CPEB1: variants seen among roughly 807,000 people sequenced by gnomAD.
CPEB1 encodes the protein cytoplasmic polyadenylation element-binding protein 1.
Under a neutral mutation model 65.8 loss-of-function variants are expected in CPEB1, and 7 were observed. The observed-to-expected ratio is 0.11, with a 90% CI of 0.06 to 0.20. The LOEUF (loss-of-function observed/expected upper bound fraction) is 0.20. Among genes scored for constraint, CPEB1 ranks in the 10% least tolerant of loss-of-function variants. The pLI is 1.00. For missense variants in CPEB1, 551 were observed against 712.2 expected, an observed-to-expected ratio of 0.77 and a Z score of 2.58; for synonymous variants, 262 against 260.0, an observed-to-expected ratio of 1.01 and a Z score of -0.08.
At chr15:82,622,013 T>C (rs994277005) in intron 3 of CPEB1, among the ~76,000 whole-genome samples, 1 of 152,252 alleles carries the variant, frequency 6.6e-6, no homozygotes, top group Non-Finnish European at 1.5e-5. Flanking sequence ...CCCTTAATGA[T>C]GTTTCACCAC....
At chr15:82,634,071 A>G in intron 1 of CPEB1, among the ~76,000 whole-genome samples, 1 of 152,160 alleles carries the variant, frequency 6.6e-6, no homozygotes, top group East Asian at 1.9e-4. Context: ...GCAGATGTCC[A>G]ATTACACACC....
At chr15:82,633,719 T>C (rs2046438134) in intron 1 of CPEB1, among the ~76,000 whole-genome samples, 2 of 152,164 alleles carry the variant, frequency 1.3e-5, no homozygotes, top group Admixed American at 6.5e-5. Context: ...TCCTCTCCAA[T>C]AGATAAGAGC....
At chr15:82,606,038 CA>C (rs1434804416) in intron 3 of CPEB1, among the ~76,000 whole-genome samples, 1 of 148,428 alleles carries the variant, frequency 6.7e-6, no homozygotes, top group Admixed American at 6.7e-5. Context: ...AACTCCACCT[CA>C]AAAAAAAAGA....
chr15:82,628,558 T>A lies in CPEB1; in HGVS notation c.-97-2A>T. On this transcript the variant is annotated splice_acceptor_variant, in intron 1 of 12. Coordinates refer to ENST00000684509, the MANE Select transcript of CPEB1 (RefSeq NM_001365242.1). LOFTEE classifies it low-confidence loss of function (5UTR_SPLICE). The stretch of plus-strand genomic sequence containing the variant: ...CCTTCTATTACACAGGCACTGAAAC[T>A]AACGCAAATGGTGGAATTAGGATTG... The A allele has an allele frequency of 1.6e-6, 1 of 641,228 alleles. No individual in the cohort carries two copies. Among genetic ancestry groups the A allele is most frequent in the Admixed American group, 2.6e-5 (1 of 38,542 alleles). The allele number at this position is 641,228 out of a possible 1,614,324, so 39.7% of individuals were successfully genotyped here.
At chr15:82,630,806 T>C (rs1192199073) in intron 1 of CPEB1, among the ~76,000 whole-genome samples, 1 of 152,118 alleles carries the variant, frequency 6.6e-6, no homozygotes, top group East Asian at 1.9e-4. Context: ...TCCAGTGTGG[T>C]ACAGCATTAG....
chr15:82,575,490 ACTT>A (rs2040548729), intron 3 of CPEB1, among the ~76,000 whole-genome samples: 6 of 152,170 alleles, frequency 3.9e-5, no homozygotes, highest in Admixed American at 3.9e-4. Flanking sequence ...ACAACGAAAA[ACTT>A]CTGCTCATCA....
At chr15:82,586,990 T>C (rs552379154) in intron 3 of CPEB1, among the ~76,000 whole-genome samples, 14 of 152,312 alleles carry the variant, frequency 9.2e-5, no homozygotes, top group African/African-American at 3.4e-4. Context: ...CAATTGTCTT[T>C]AAGACAGTTT....
At chr15:82,571,603 A>G in intron 3 of CPEB1, 71 bp from the exon 4 acceptor site, 1 of 1,529,956 alleles carries the variant, frequency 6.5e-7, no homozygotes, top group South Asian at 1.3e-5. Context: ...TCAACAGTAA[A>G]TATTATTAAT....
At chr15:82,648,190 C>T (rs2047738991), upstream of CPEB1, 7 of 310,182 alleles carry the variant, frequency 2.3e-5, no homozygotes, top group East Asian at 3.5e-4. Context: ...CCCTGGGGGG[C>T]CAGAGACCTA....
chr15:82,646,614 C>T (rs2047558481), intron 1 of CPEB1, among the ~76,000 whole-genome samples: 1 of 152,178 alleles, frequency 6.6e-6, no homozygotes, highest in Admixed American at 6.5e-5. Flanking sequence ...AAAATAAGCG[C>T]GCGCCCACGA....
At chr15:82,557,462 G>A (rs1294997500) in intron 5 of CPEB1, 7 of 362,644 alleles carry the variant, frequency 1.9e-5, no homozygotes, top group Non-Finnish European at 3.5e-5. Context: ...CACTGCCAGG[G>A]CCCTCACGTT....
At chr15:82,596,075 G>A (rs2042643201) in intron 3 of CPEB1, among the ~76,000 whole-genome samples, 1 of 152,190 alleles carries the variant, frequency 6.6e-6, no homozygotes. Flanking sequence ...ATTTATAGCA[G>A]AGGGCAGATG....
chr15:82,628,144 C>T lies in CPEB1; in HGVS notation c.96+220G>A, dbSNP rs61733712. 2.8e-3 allele frequency: 1,980 copies of T among 695,712 alleles called. 31 individuals are homozygous for T. In the African/African-American group the frequency reaches 0.03, roughly 11 times the overall value. The allele number at this position is 695,712 out of a possible 1,614,324, so 43.1% of individuals were successfully genotyped here. A position where few individuals can be genotyped will look rare whatever the true frequency, so the allele number is the denominator to read the frequency against. The stretch of plus-strand genomic sequence containing the variant: ...AAGTCTAGAAGAATTACACCAGTGA[C>T]AATGCCATCATTGTTACAGAAAAAT... On this transcript the variant is annotated intron_variant, in intron 2 of 12. Coordinates refer to ENST00000684509, the MANE Select transcript of CPEB1 (RefSeq NM_001365242.1).
In CPEB1 at chr15:82,624,611, G is replaced by A. The variant is rs549810660; in HGVS notation, c.271+2582C>T. Among the ~76,000 whole-genome samples the A allele has an allele frequency of 4.7e-4, 71 of 152,200 alleles. 1 individual carries two copies. Among genetic ancestry groups the A allele is most frequent in the African/African-American group, 1.5e-3 (63 of 41,542 alleles). The stretch of plus-strand genomic sequence containing the variant: ...GGCAGAGTATAATGGTAACAACATC[G>A]TCACCAGACCCTGGCATCTTACCAG... On this transcript the variant is annotated intron_variant, in intron 3 of 12. Coordinates refer to ENST00000684509, the MANE Select transcript of CPEB1 (RefSeq NM_001365242.1).
At chr15:82,556,209 C>A in intron 5 of CPEB1, 87 bp from the exon 6 acceptor site, 2 of 1,367,134 alleles carry the variant, frequency 1.5e-6, no homozygotes, top group Non-Finnish European at 2.0e-6. Flanking sequence ...TAAAAACATC[C>A]AATAGACATT....
chr15:82,625,769 G>A (rs1479235667), intron 3 of CPEB1, among the ~76,000 whole-genome samples: 1 of 152,078 alleles, frequency 6.6e-6, no homozygotes, highest in Non-Finnish European at 1.5e-5. Flanking sequence ...CCCCATTGTG[G>A]CTAATTGTTT....
chr15:82,581,701 T>C (rs1222107754), intron 3 of CPEB1, among the ~76,000 whole-genome samples: 4 of 152,342 alleles, frequency 2.6e-5, no homozygotes, highest in South Asian at 2.1e-4. Context: ...ACCCAAATGT[T>C]TGAAGATTGC....
chr15:82,627,690 T>A (rs1024404584), intron 2 of CPEB1, among the ~76,000 whole-genome samples: 5 of 152,262 alleles, frequency 3.3e-5, no homozygotes, highest in South Asian at 4.2e-4. Flanking sequence ...AGGATTGCCT[T>A]TATCTATAAA....
intron 1 of CPEB1, chr15:82,629,108 T>C (rs1054756220): frequency 4.9e-6 from 1 of 205,078 alleles, no homozygotes; most frequent in African/African-American, 2.4e-5. Flanking sequence ...ATGTAGATTT[T>C]ATGTCAATAC....
Sources: gnomAD v4.1 joint callset for allele counts (sites outside exome capture counted in the v4.1 genomes callset) on GRCh38, gnomAD v4.1.1 for gene constraint, MANE v1.5 for transcripts, NCBI Gene and HGNC (gene_info 2026-07-23, HGNC 2026-07-21) for gene names.